Variants in CAPN5 observed in about 807,000 individuals in gnomAD.
The protein encoded by CAPN5 is calpain 5.
A neutral mutation model predicts 73.0 loss-of-function variants in CAPN5; 54 were observed. The observed-to-expected ratio is 0.74, with a 90% CI of 0.59 to 0.93. CAPN5 has a LOEUF of 0.93. Ranked by LOEUF, CAPN5 falls within the 40% of genes least tolerant of loss-of-function variation. The pLI, the probability that CAPN5 is intolerant of heterozygous loss-of-function variation, is 0.00. For missense variants in CAPN5, 785 were observed against 882.9 expected, an observed-to-expected ratio of 0.89 and a Z score of 1.41; for synonymous variants, 335 against 356.9, an observed-to-expected ratio of 0.94 and a Z score of 0.69.
intron 3 of CAPN5, among the ~76,000 whole-genome samples, chr11:77,101,961 A>G (rs369003542): frequency 2.0e-5 from 3 of 152,322 alleles, no homozygotes; most frequent in African/African-American, 2.4e-5. Flanking sequence ...TGTTGTGGCC[A>G]TGGTGCAGGG....
In CAPN5 at chr11:77,072,991, G is replaced by A. The variant is rs527520720; in HGVS notation, c.-36+5897G>A. 7 of 892,790 alleles carry A rather than the reference G, an allele frequency of 7.8e-6. No homozygotes were observed. The African/African-American group carries it at 1.2e-4, about 15-fold the overall frequency. 55.3% of individuals were successfully genotyped at this position (892,790 alleles called of 1,614,324 possible). ...ACCTGATCAAGTCCCATTTTGTTAGGTTGTCTCTCCGGTGGGGAGTGAGCG... is the reference window on the plus strand; with the variant it reads ...ACCTGATCAAGTCCCATTTTGTTAGATTGTCTCTCCGGTGGGGAGTGAGCG... On this transcript the variant is annotated intron_variant, in intron 1 of 12. Coordinates refer to ENST00000648180, the MANE Select transcript of CAPN5 (RefSeq NM_004055.5).
chr11:77,116,303 G>A lies in CAPN5; in HGVS notation c.971G>A (p.Trp324Ter). Reference protein sequence around the residue: ...GVTVQDDGEFWMTFEDVCRYF... With the variant: ...GVTVQDDGEF Reference sequence around the variant, plus strand: ...ACCGTGCAGGACGACGGTGAGTTCTGGTGAGTGTGTATGTGCCCTGGGCGT... The same window carrying A: ...ACCGTGCAGGACGACGGTGAGTTCTAGTGAGTGTGTATGTGCCCTGGGCGT... Residue 324 changes from tryptophan to a stop codon, truncating the protein, a stop_gained and splice_region_variant, in exon 7 of 13, where the codon TGG becomes TAG. Transcript: ENST00000648180. LOFTEE classifies it high-confidence loss of function. 6.2e-7 allele frequency: 1 copy of A among 1,612,586 alleles called. No individual in the cohort carries two copies. The highest frequency in any genetic ancestry group is 2.2e-5 in the East Asian group (1 of 44,856).
At chr11:77,083,560 C>T (rs1227376446) in intron 1 of CAPN5, among the ~76,000 whole-genome samples, 1 of 152,196 alleles carries the variant, frequency 6.6e-6, no homozygotes, top group Non-Finnish European at 1.5e-5. Flanking sequence ...AGCTGGCAGC[C>T]GTGTGCCCAC....
intron 3 of CAPN5, among the ~76,000 whole-genome samples, chr11:77,097,481 T>TTG (rs1950224078): frequency 1.5e-5 from 2 of 136,980 alleles, no homozygotes; most frequent in Non-Finnish European, 3.1e-5. Context: ...TTTTTTTTTT[T>TTG]TTTTTTTTAT....
chr11:77,100,027 G>A (rs1950268423), intron 3 of CAPN5, among the ~76,000 whole-genome samples: 1 of 152,036 alleles, frequency 6.6e-6, no homozygotes, highest in Admixed American at 6.6e-5. Flanking sequence ...AGTAGAGATG[G>A]GGTTTCACCA....
At chr11:77,067,440 C>T (rs1591103472) in intron 1 of CAPN5, among the ~76,000 whole-genome samples, 1 of 151,574 alleles carries the variant, frequency 6.6e-6, no homozygotes, top group East Asian at 2.0e-4. Flanking sequence ...ATCTTCCTTA[C>T]AGTTCCCCCC....
intron 3 of CAPN5, 112 bp from the exon 4 acceptor site, chr11:77,112,477 C>T: frequency 1.2e-6 from 1 of 808,848 alleles, no homozygotes; most frequent in Admixed American, 2.0e-5. Context: ...GGAATCCGAA[C>T]CCAGTATTCC....
chr11:77,112,497 C>T lies in CAPN5; in HGVS notation c.298-92C>T, dbSNP rs143433221. 3.3e-3 allele frequency: 3,290 copies of T among 985,776 alleles called. 10 individuals are homozygous for T. Among genetic ancestry groups the T allele is most frequent in the Middle Eastern group, 5.3e-3 (17 of 3,216 alleles). The allele number at this position is 985,776 out of a possible 1,614,324, so 61.1% of individuals were successfully genotyped here. A position where few individuals can be genotyped will look rare whatever the true frequency, so the allele number is the denominator to read the frequency against. On this transcript the variant is annotated intron_variant, in intron 3 of 12. Coordinates refer to ENST00000648180, the MANE Select transcript of CAPN5 (RefSeq NM_004055.5). ...CCGAACCCAGTATTCCTTTACATTCCGATTCGCTGGAAGCACACGCCCCCA... is the reference window on the plus strand; with the variant it reads ...CCGAACCCAGTATTCCTTTACATTCTGATTCGCTGGAAGCACACGCCCCCA...
rs1256112788 is a variant in CAPN5, at chr11:77,107,512, TCTC to T, written c.298-5075_298-5073del. On this transcript the variant is annotated intron_variant, in intron 3 of 12. Coordinates refer to ENST00000648180, the MANE Select transcript of CAPN5 (RefSeq NM_004055.5). The stretch of plus-strand genomic sequence containing the variant: ...CTCCCTGGGCTGCCGACCCCCTCCT[TCTC>T]CACTCTGTCGCACAGCTGGGCAGAG... 4.6e-5 allele frequency among the ~76,000 whole-genome samples: 7 copies of T among 151,712 alleles called. No homozygotes were observed. In the South Asian group the frequency reaches 1.5e-3, roughly 32 times the overall value.
intron 1 of CAPN5, among the ~76,000 whole-genome samples, chr11:77,073,344 C>T (rs545289736): frequency 2.0e-5 from 3 of 152,184 alleles, no homozygotes; most frequent in Non-Finnish European, 4.4e-5. Flanking sequence ...CCTGGAACAC[C>T]CTTTCAGAAG....
intron 3 of CAPN5, among the ~76,000 whole-genome samples, chr11:77,109,519 A>C (rs1210593041): frequency 6.6e-6 from 1 of 152,154 alleles, no homozygotes; most frequent in Non-Finnish European, 1.5e-5. Context: ...TTGATGCTCA[A>C]ATTAGCCCAT....
chr11:77,077,379 T>G (rs990680433), intron 1 of CAPN5, among the ~76,000 whole-genome samples: 1 of 151,804 alleles, frequency 6.6e-6, no homozygotes, highest in African/African-American at 2.4e-5. Flanking sequence ...TTTAAAAAAG[T>G]CTTTTTTTAT....
intron 3 of CAPN5, among the ~76,000 whole-genome samples, chr11:77,110,688 C>T (rs1290691584): frequency 6.6e-6 from 1 of 152,236 alleles, no homozygotes; most frequent in East Asian, 1.9e-4. Flanking sequence ...TCCATTAGGG[C>T]AGTAGTACCT....
intron 1 of CAPN5, among the ~76,000 whole-genome samples, chr11:77,069,688 C>T (rs1555032724): frequency 6.6e-6 from 1 of 152,166 alleles, no homozygotes; most frequent in African/African-American, 2.4e-5. Context: ...GCAGCAGTCT[C>T]TCTGCAGCTG....
intron 3 of CAPN5, among the ~76,000 whole-genome samples, chr11:77,109,382 T>TA (rs559370617): frequency 2.6e-5 from 4 of 151,040 alleles, no homozygotes; most frequent in Admixed American, 6.6e-5. Context: ...TTTTCCAGTT[T>TA]AAAAAAAAAA....
intron 9 of CAPN5, chr11:77,120,415 C>G: frequency 3.0e-6 from 1 of 330,308 alleles, no homozygotes; most frequent in African/African-American, 2.1e-5. Context: ...AGTATACAAT[C>G]TAATGACTTT....
intron 5 of CAPN5, among the ~76,000 whole-genome samples, chr11:77,114,902 T>C: frequency 6.6e-6 from 1 of 152,160 alleles, no homozygotes; most frequent in East Asian, 1.9e-4. Context: ...CAACCAGCTA[T>C]TAACAATATT....
Position 77,122,625 on chromosome 11 carries a change from G to C in CAPN5, c.1653G>C (p.Ser551=). ...IIKCEGDKVR[S]AVQKGTSTPE... ...AGTGTGAGGGAGACAAAGTCCGCTC[G>C]GCTGTGCAGAAGGGCACCTCCACAC... Residue 551 remains serine, a synonymous_variant, in exon 12 of 13, where the codon TCG becomes TCC. Transcript: ENST00000648180. The C allele has an allele frequency of 1.9e-6, 3 of 1,612,144 alleles. No homozygotes were observed. Among genetic ancestry groups the C allele is most frequent in the Non-Finnish European group, 2.5e-6 (3 of 1,179,104 alleles).
chr11:77,120,085 T>G (rs1950507583), intron 9 of CAPN5: 1 of 152,270 alleles, frequency 6.6e-6, no homozygotes, highest in Admixed American at 6.5e-5. Flanking sequence ...TCTTGCTCTG[T>G]AACCCAGACC....
Sources: allele counts gnomAD v4.1 joint callset (sites outside exome capture counted in the v4.1 genomes callset), GRCh38; gene constraint gnomAD v4.1.1; transcripts MANE v1.5; gene names NCBI Gene and HGNC (gene_info 2026-07-23, HGNC 2026-07-21).